The following TRANK1 variants were observed in gnomAD, a reference collection of about 807,000 sequenced individuals.
TRANK1 encodes the protein tetratricopeptide repeat and ankyrin repeat containing 1.
Under a neutral mutation model 266.0 loss-of-function variants are expected in TRANK1, and 198 were observed. The ratio of observed to expected loss-of-function variants is 0.74; its 90% CI spans 0.66 to 0.84. The LOEUF is 0.84. TRANK1 is among the 40% of genes least tolerant of loss of function. The pLI, the probability that TRANK1 is intolerant of heterozygous loss-of-function variation, is 0.00. For missense variants in TRANK1, 3,326 were observed against 3,634.6 expected, an observed-to-expected ratio of 0.92 and a Z score of 2.18; for synonymous variants, 1,396 against 1,384.1, an observed-to-expected ratio of 1.01 and a Z score of -0.19.
chr3:36,881,448 CA>C (rs1021300505), intron 8 of TRANK1, among the ~76,000 whole-genome samples: 29 of 139,606 alleles, frequency 2.1e-4, no homozygotes, highest in African/African-American at 6.9e-4. Context: ...GACTCCGTCT[CA>C]AAAAAAAAAC....
In TRANK1 at chr3:36,833,690, C is replaced by G; in HGVS notation, c.5893G>C (p.Ala1965Pro). 1 of 1,613,994 alleles carries G rather than the reference C, an allele frequency of 6.2e-7. No homozygotes were observed. The change falls in exon 22 of 24, where the codon GCT becomes CCT. Residue 1965 changes from alanine to proline, a missense_variant. By Grantham distance (27) the Ala-to-Pro change is conservative. Transcript: ENST00000645898. Reference sequence around the variant, plus strand: ...CCATGTTGCTTCATCAGCAGGGCAGCCTCTTCTCTCCTACCTTCCCTGTTC... The same window carrying G: ...CCATGTTGCTTCATCAGCAGGGCAGGCTCTTCTCTCCTACCTTCCCTGTTC... ...LLNREGRREE[A>P]ALLMKQHGCL...
intron 5 of TRANK1, among the ~76,000 whole-genome samples, chr3:36,893,887 C>CT (rs10646646): frequency 0.091 from 13,286 of 146,134 alleles, 1,856 homozygotes; most frequent in African/African-American, 0.3. Flanking sequence ...GATACCCATT[C>CT]TTTTTTTTTT....
intron 1 of TRANK1, among the ~76,000 whole-genome samples, chr3:36,935,224 G>A (rs532678807): frequency 3.3e-5 from 5 of 152,056 alleles, no homozygotes; most frequent in Admixed American, 6.6e-5. Context: ...TGCCCACCCC[G>A]GGAGGGTGAG....
intron 1 of TRANK1, among the ~76,000 whole-genome samples, chr3:36,922,462 G>A (rs1014106396): frequency 1.7e-4 from 26 of 152,088 alleles, no homozygotes; most frequent in African/African-American, 4.8e-4. Flanking sequence ...AAAATTAGCC[G>A]GGTGTGGTGG....
Position 36,855,850 on chromosome 3 carries a change from T to G in TRANK1, c.3872A>C (p.Asp1291Ala). The G allele has an allele frequency of 6.2e-7, 1 of 1,613,644 alleles. No homozygotes were observed. Among genetic ancestry groups the G allele is most frequent in the Non-Finnish European group, 8.5e-7 (1 of 1,179,820 alleles). Reference sequence around the variant, plus strand: ...CCCATCCACCTCAGCCTCCTCTTCATCCTCTTGCCAACTAGGAATGGTTGA... The same window carrying G: ...CCCATCCACCTCAGCCTCCTCTTCAGCCTCTTGCCAACTAGGAATGGTTGA... The part of the protein sequence containing the change: ...EESTIPSWQE[D>A]EEEAEVDGDY... Residue 1291 changes from aspartate (D) to alanine (A), a missense_variant, in exon 13 of 24, where the codon GAT (aspartate) becomes GCT (alanine). Transcript: ENST00000645898.
intron 2 of TRANK1, among the ~76,000 whole-genome samples, chr3:36,905,246 G>A (rs1177636981): frequency 2.0e-5 from 3 of 150,670 alleles, no homozygotes; most frequent in Non-Finnish European, 2.9e-5. Context: ...AGCCGAGATC[G>A]TGCCGTTGCA....
At position 36,832,345 on chromosome 3, in the gene TRANK1, C is replaced by T; in HGVS notation, c.7238G>A (p.Cys2413Tyr). The change falls in exon 22 of 24, where the codon TGC becomes TAC. Residue 2413 changes from cysteine (C) to tyrosine (Y), a missense_variant. By Grantham distance (194) the Cys-to-Tyr change is radical. Transcript: ENST00000645898. ...CCTGTACACGTAGAATTGATCAATG[C>T]AATTCTCCAGAAGCCGGATGAAGCA... Reference protein sequence around the residue: ...HLCFIRLLENCIDQFYVYRNP... With the variant: ...HLCFIRLLENYIDQFYVYRNP... 2 of 1,613,994 alleles carry T rather than the reference C, an allele frequency of 1.2e-6. No individual in the cohort carries two copies. Among genetic ancestry groups the T allele is most frequent in the Non-Finnish European group, 1.7e-6 (2 of 1,179,888 alleles).
At chr3:36,851,965 A>G (rs2078990323) in intron 14 of TRANK1, 109 bp from the exon 15 acceptor site, 1 of 1,439,080 alleles carries the variant, frequency 6.9e-7, no homozygotes, top group Non-Finnish European at 9.2e-7. Context: ...GCCAGCATAA[A>G]CATGGTCAGG....
intron 6 of TRANK1, 39 bp downstream of exon 6, chr3:36,892,852 CATATATATAT>C (rs60833390): frequency 1.4e-5 from 8 of 582,068 alleles, no homozygotes; most frequent in South Asian, 6.3e-5. Context: ...CAAAACAAAA[CATATATATAT>C]ATATATATAG....
Position 36,832,773 on chromosome 3 carries a change from A to T in TRANK1, c.6810T>A (p.Asp2270Glu). The part of the protein sequence containing the change: ...DMYGLCKSIL[D>E]VLFPKHFHQR... ...GATGGAAATGCTTAGGGAAAAGGAC[A>T]TCCAGAATGGACTTGCAAAGGCCAT... The change falls in exon 22 of 24, where the codon GAT (aspartate) becomes GAA (glutamate). Residue 2270 changes from aspartate to glutamate, a missense_variant. Coordinates refer to ENST00000645898, the MANE Select transcript of TRANK1 (RefSeq NM_001329998.2). 6.2e-7 allele frequency: 1 copy of T among 1,614,056 alleles called. No individual in the cohort carries two copies. Among genetic ancestry groups the T allele is most frequent in the Non-Finnish European group, 8.5e-7 (1 of 1,179,904 alleles).
rs182972793 is a variant in TRANK1 at position 36,852,702 on chromosome 3, G to A, written c.4550-357C>T. Among the ~76,000 whole-genome samples the A allele has an allele frequency of 3.6e-4, 55 of 150,756 alleles. No individual in the cohort carries two copies. The East Asian group carries it at 9.2e-3, about 25-fold the overall frequency. On this transcript the variant is annotated intron_variant, in intron 13 of 23. Transcript: ENST00000645898. ...GGAGAATCGCTTGAACCCAGGAAGC[G>A]GAGGTTGCAGTAAGCCAAGATCACA...
chr3:36,860,029 C>T (rs546059528), intron 11 of TRANK1, among the ~76,000 whole-genome samples: 3 of 152,250 alleles, frequency 2.0e-5, no homozygotes, highest in Admixed American at 6.5e-5. Context: ...ATTGATAACA[C>T]ACAATGTCTT....
intron 13 of TRANK1, among the ~76,000 whole-genome samples, chr3:36,854,187 C>G (rs184666763): frequency 6.6e-6 from 1 of 151,946 alleles, no homozygotes; most frequent in East Asian, 1.9e-4. Flanking sequence ...ATAGTGAAAC[C>G]CCATCTCTAC....
At position 36,895,759 on chromosome 3, in the gene TRANK1, C is replaced by A; in HGVS notation, c.434-1G>T. ...AAACTTTGCAAAACAATGGAGTCACCTAAAAGAAAGTTTCATAATTTAGGG... is the reference window on the plus strand; with the variant it reads ...AAACTTTGCAAAACAATGGAGTCACATAAAAGAAAGTTTCATAATTTAGGG... On this transcript the variant is annotated splice_acceptor_variant, in intron 4 of 23. Transcript: ENST00000645898. LOFTEE classifies it high-confidence loss of function. The A allele has an allele frequency of 6.6e-7, 1 of 1,521,102 alleles. No homozygotes were observed. The highest frequency in any genetic ancestry group is 8.8e-7 in the Non-Finnish European group (1 of 1,139,526). The allele number at this position is 1,521,102 out of a possible 1,614,324, so 94.2% of individuals were successfully genotyped here.
At chr3:36,897,552 C>A (rs2079811010) in intron 4 of TRANK1, among the ~76,000 whole-genome samples, 1 of 152,200 alleles carries the variant, frequency 6.6e-6, no homozygotes, top group Non-Finnish European at 1.5e-5. Flanking sequence ...CACCTACAGA[C>A]CACAGAAGTT....
chr3:36,835,538 C>T (rs867486199), intron 20 of TRANK1, among the ~76,000 whole-genome samples: 4 of 152,132 alleles, frequency 2.6e-5, no homozygotes, highest in East Asian at 1.9e-4. Context: ...GGAGTCTTCA[C>T]GTAACTTCCA....
chr3:36,917,911 T>A (rs1471283583), intron 1 of TRANK1, among the ~76,000 whole-genome samples: 1 of 152,186 alleles, frequency 6.6e-6, no homozygotes. Flanking sequence ...GCTAAAAGTC[T>A]GAAAAGGTTG....
intron 17 of TRANK1, among the ~76,000 whole-genome samples, chr3:36,844,139 T>C (rs1163787660): frequency 6.6e-6 from 1 of 152,228 alleles, no homozygotes; most frequent in South Asian, 2.1e-4. Context: ...AAACATAAAA[T>C]AAATTGTGAT....
At chr3:36,888,427 GAATAGATCAAAA>G (rs1169890255) in intron 8 of TRANK1, among the ~76,000 whole-genome samples, 2 of 152,108 alleles carry the variant, frequency 1.3e-5, no homozygotes, top group African/African-American at 4.8e-5. Flanking sequence ...GCTCAACTCT[GAATAGATCAAAA>G]AGCATTTAAC....
Sources: gnomAD v4.1 joint callset for allele counts (sites outside exome capture counted in the v4.1 genomes callset) on GRCh38, gnomAD v4.1.1 for gene constraint, MANE v1.5 for transcripts, NCBI Gene and HGNC (gene_info 2026-07-23, HGNC 2026-07-21) for gene names.